Variants in NUDT3 observed in about 807,000 individuals in gnomAD.
NUDT3 encodes nudix hydrolase 3.
NUDT3 carries 9 observed loss-of-function variants against 23.6 expected under a neutral mutation model. The ratio of observed to expected loss-of-function variants is 0.38; its 90% CI spans 0.23 to 0.66. The LOEUF is 0.66. Ranked by LOEUF, NUDT3 falls within the 30% of genes least tolerant of loss-of-function variation. The probability of loss-of-function intolerance (pLI) is 0.52; values close to 1 mark genes in which losing one functional copy is unlikely to be tolerated. For synonymous variants in NUDT3, 86 were observed against 82.6 expected (o/e 1.04, Z -0.22); for missense variants, 172 against 218.5 (o/e 0.79, Z 1.34).
intron 2 of NUDT3, among the ~76,000 whole-genome samples, chr6:34,312,247 C>T (rs1763784755): frequency 6.6e-6 from 1 of 151,872 alleles, no homozygotes; most frequent in African/African-American, 2.4e-5. Context: ...ACTAAAAATA[C>T]AAAAATTAGC....
intron 2 of NUDT3, among the ~76,000 whole-genome samples, chr6:34,311,953 C>T (rs1051915406): frequency 5.3e-5 from 8 of 151,950 alleles, no homozygotes; most frequent in African/African-American, 4.8e-5. Flanking sequence ...AAATGTAAAA[C>T]GCAAAACTAT....
intron 1 of NUDT3, among the ~76,000 whole-genome samples, chr6:34,360,195 G>C (rs563681613): frequency 1.4e-5 from 2 of 140,320 alleles, no homozygotes; most frequent in South Asian, 4.5e-4. Context: ...TGGTGATTGT[G>C]CCACTGCACT....
intron 1 of NUDT3, among the ~76,000 whole-genome samples, chr6:34,354,913 T>C (rs931964132): frequency 6.6e-6 from 1 of 151,618 alleles, no homozygotes; most frequent in African/African-American, 2.4e-5. Context: ...TCATTTGTTC[T>C]AGTAGCTTTT....
chr6:34,336,104 AC>A (rs1393833508), intron 2 of NUDT3, among the ~76,000 whole-genome samples: 1 of 152,064 alleles, frequency 6.6e-6, no homozygotes, highest in Non-Finnish European at 1.5e-5. Flanking sequence ...CCCCGTCTCT[AC>A]TAAAAATACA....
chr6:34,293,362 C>A, intron 4 of NUDT3, 89 bp downstream of exon 4: 1 of 1,488,200 alleles, frequency 6.7e-7, no homozygotes, highest in Non-Finnish European at 9.3e-7. Flanking sequence ...GAGCCTGGTA[C>A]GCTCTTGTTT....
At chr6:34,367,239 T>C (rs554015596) in intron 1 of NUDT3, among the ~76,000 whole-genome samples, 1 of 151,936 alleles carries the variant, frequency 6.6e-6, no homozygotes, top group Admixed American at 6.6e-5. Flanking sequence ...ACCAGCACTT[T>C]GGGAGGCTGA....
Position 34,279,968 on chromosome 6 carries a change from T to G in NUDT3, c.*8785A>C, listed in dbSNP as rs1763263347. 6.6e-6 allele frequency: 1 copy of G among 152,152 alleles called. No homozygotes were observed. The highest frequency in any genetic ancestry group is 6.5e-5 in the Admixed American group (1 of 15,276). 9.4% of individuals were successfully genotyped at this position (152,152 alleles called of 1,614,324 possible). A position where few individuals can be genotyped will look rare whatever the true frequency, so the allele number is the denominator to read the frequency against. On this transcript the variant is annotated 3_prime_UTR_variant, in exon 5 of 5. Transcript: ENST00000607016. ...TTAGTAAAGTAGGGAAAGGGTTATA[T>G]GTGTGGCTGGCCTGTTCTTTAGAGA...
intron 2 of NUDT3, among the ~76,000 whole-genome samples, chr6:34,308,099 GAC>G (rs1763709637): frequency 8.7e-6 from 1 of 114,842 alleles, no homozygotes; most frequent in Non-Finnish European, 1.7e-5. Flanking sequence ...CCAGCTGGGA[GAC>G]ACAGAGAAAC....
At chr6:34,321,156 G>C (rs1182413880) in intron 2 of NUDT3, among the ~76,000 whole-genome samples, 1 of 152,006 alleles carries the variant, frequency 6.6e-6, no homozygotes, top group Non-Finnish European at 1.5e-5. Context: ...TGTTGTCTCA[G>C]GCCAGGCACG....
chr6:34,322,980 TAAGCAAATTAAC>T (rs1329547189), intron 2 of NUDT3, among the ~76,000 whole-genome samples: 1 of 152,216 alleles, frequency 6.6e-6, no homozygotes, highest in Non-Finnish European at 1.5e-5. Flanking sequence ...CCCATTATCC[TAAGCAAATTAAC>T]ACAGAAACAG....
At position 34,279,856 on chromosome 6, in the gene NUDT3, A is replaced by C. The variant is rs1763262137; in HGVS notation, c.*8897T>G. 1 of 152,248 alleles carries C rather than the reference A, an allele frequency of 6.6e-6. No individual in the cohort carries two copies. Among genetic ancestry groups the C allele is most frequent in the Non-Finnish European group, 1.5e-5 (1 of 68,058 alleles). The allele number at this position is 152,248 out of a possible 1,614,324, so 9.4% of individuals were successfully genotyped here. ...AAGGAGTGGGATATGGGGGTGGTCAAGTTTTACGGGTAATAACAACATTCT... is the reference window on the plus strand; with the variant it reads ...AAGGAGTGGGATATGGGGGTGGTCACGTTTTACGGGTAATAACAACATTCT... On this transcript the variant is annotated 3_prime_UTR_variant, in exon 5 of 5. Coordinates refer to ENST00000607016, the MANE Select transcript of NUDT3 (RefSeq NM_006703.4).
chr6:34,369,214 TGACTACACAA>T (rs1038145646), intron 1 of NUDT3, among the ~76,000 whole-genome samples: 2 of 152,212 alleles, frequency 1.3e-5, no homozygotes, highest in African/African-American at 4.8e-5. Flanking sequence ...CTCATCAAAA[TGACTACACAA>T]GAGAAAAATA....
rs893218124 is a variant in NUDT3 at position 34,360,501 on chromosome 6, G to A, written c.100-18529C>T. On this transcript the variant is annotated intron_variant, in intron 1 of 4. Coordinates refer to ENST00000607016, the MANE Select transcript of NUDT3 (RefSeq NM_006703.4). ...AGGCAGGAGAATCACTTGAACCCAG[G>A]AGGTGGAGGTTGCCGTGAGCCGAGA... 2.6e-5 allele frequency among the ~76,000 whole-genome samples: 4 copies of A among 152,154 alleles called. No individual in the cohort carries two copies. The East Asian group carries it at 7.7e-4, about 29-fold the overall frequency.
intron 2 of NUDT3, among the ~76,000 whole-genome samples, chr6:34,322,288 T>C (rs1419081920): frequency 6.6e-6 from 1 of 151,922 alleles, no homozygotes; most frequent in Non-Finnish European, 1.5e-5. Flanking sequence ...TGGAGTGCAG[T>C]GGCACGATTT....
chr6:34,387,725 G>T (rs981730648), intron 1 of NUDT3, among the ~76,000 whole-genome samples: 7 of 127,234 alleles, frequency 5.5e-5, no homozygotes, highest in Non-Finnish European at 1.2e-4. Context: ...GAAAGAAAGA[G>T]AAAAATATTG....
intron 4 of NUDT3, among the ~76,000 whole-genome samples, chr6:34,290,147 G>A (rs1763396098): frequency 1.3e-5 from 2 of 152,166 alleles, no homozygotes; most frequent in Non-Finnish European, 2.9e-5. Flanking sequence ...CACCTGAAGA[G>A]TAACTGGCTG....
At chr6:34,352,582 T>C (rs946142676) in intron 1 of NUDT3, among the ~76,000 whole-genome samples, 4 of 152,198 alleles carry the variant, frequency 2.6e-5, no homozygotes, top group African/African-American at 9.7e-5. Context: ...TCCCTGCTCA[T>C]CAATATGCTG....
intron 2 of NUDT3, among the ~76,000 whole-genome samples, chr6:34,299,757 T>C (rs1004964210): frequency 5.9e-5 from 9 of 151,372 alleles, no homozygotes; most frequent in Admixed American, 5.9e-4. Context: ...AACACAAAAA[T>C]TACCCGGGCG....
intron 2 of NUDT3, among the ~76,000 whole-genome samples, chr6:34,328,529 A>T (rs1385568731): frequency 1.3e-5 from 2 of 152,192 alleles, no homozygotes; most frequent in Non-Finnish European, 2.9e-5. Flanking sequence ...ATCTGTGTAT[A>T]CTTTTTTTGT....
Sources: gnomAD v4.1 joint callset for allele counts (sites outside exome capture counted in the v4.1 genomes callset) on GRCh38, gnomAD v4.1.1 for gene constraint, MANE v1.5 for transcripts, NCBI Gene and HGNC (gene_info 2026-07-23, HGNC 2026-07-21) for gene names.